The following SLC5A4 variants were observed in gnomAD, a reference collection of about 807,000 sequenced individuals.
SLC5A4 encodes the protein solute carrier family 5 member 4, also known as probable glucose sensor protein SLC5A4.
In SLC5A4, 55 loss-of-function variants were observed where a neutral mutation model predicts 70.3. That is an observed-to-expected ratio of 0.78 (90% confidence interval 0.63 to 0.98). The LOEUF is 0.98. SLC5A4 is among the 50% of genes least tolerant of loss of function. The probability of loss-of-function intolerance (pLI) is 0.00; values close to 1 mark genes in which losing one functional copy is unlikely to be tolerated. For synonymous variants in SLC5A4, 268 were observed against 305.7 expected, an observed-to-expected ratio of 0.88 and a Z score of 1.29; for missense variants, 735 against 839.2, an observed-to-expected ratio of 0.88 and a Z score of 1.53.
chr22:32,239,747 G>A (rs542851236), intron 5 of SLC5A4, among the ~76,000 whole-genome samples: 9 of 147,156 alleles, frequency 6.1e-5, no homozygotes, highest in Middle Eastern at 3.5e-3. Context: ...CCAAACGGCC[G>A]GGTGCGGTGG....
the SLC5A4 span, among the ~76,000 whole-genome samples, chr22:32,280,259 A>AC: frequency 0.049 from 7,360 of 151,086 alleles, 597 homozygotes; most frequent in African/African-American, 0.17. Flanking sequence ...CAAGTGATCC[A>AC]CCCCCCCTCA....
chr22:32,344,057 G>A, the SLC5A4 span, among the ~76,000 whole-genome samples: 31,941 of 151,996 alleles, frequency 0.21, 3,790 homozygotes, highest in East Asian at 0.48. Flanking sequence ...ATCTGTAAGC[G>A]CTATGGCAGT....
At chr22:32,269,584 A>G in the SLC5A4 span, 1 of 626,314 alleles carries the variant, frequency 1.6e-6, no homozygotes, top group Non-Finnish European at 3.1e-6. The surrounding 1 kb of genome is among the most constrained non-coding windows in gnomAD (Gnocchi z 4.1). Context: ...CTGATCTCTC[A>G]CCAGCTACCC....
rs1926974994 is a variant in SLC5A4 at position 32,248,741 on chromosome 22, AC to A, written c.372+1del. On this transcript the variant is annotated splice_donor_variant, in intron 4 of 14. Transcript: ENST00000266086. LOFTEE classifies it high-confidence loss of function. ...TCTGGCATTTTGGTAACAGATACTC[AC>A]CCCCGACTTGATGTAGATAGGGACA... 1 of 1,607,560 alleles carries A rather than the reference AC, an allele frequency of 6.2e-7. No homozygotes were observed. Among genetic ancestry groups the A allele is most frequent in the African/African-American group, 1.3e-5 (1 of 74,820 alleles).
At chr22:32,348,999 CAG>C in the SLC5A4 span, among the ~76,000 whole-genome samples, 2 of 152,108 alleles carry the variant, frequency 1.3e-5, no homozygotes, top group African/African-American at 4.8e-5. Context: ...TTTTTTAAGA[CAG>C]AGTCTTGCTC....
chr22:32,313,041 T>C, the SLC5A4 span, among the ~76,000 whole-genome samples: 4 of 152,034 alleles, frequency 2.6e-5, no homozygotes, highest in African/African-American at 7.3e-5. Flanking sequence ...CTCTGGCTCA[T>C]GCAATAAGGC....
rs761611584 is a variant in SLC5A4, at chr22:32,230,932, G to A, written c.1129+36C>T. The A allele has an allele frequency of 9.7e-6, 13 of 1,343,322 alleles. No homozygotes were observed. In the African/African-American group the frequency reaches 1.7e-4, roughly 18 times the overall value. The allele number at this position is 1,343,322 out of a possible 1,614,324, so 83.2% of individuals were successfully genotyped here. The stretch of plus-strand genomic sequence containing the variant: ...CTTCCTCGAGGCCCGTCTTAGACAG[G>A]CCTCTGGGGCTGTCCCAGCAGGGAC... On this transcript the variant is annotated intron_variant, in intron 10 of 14. Coordinates refer to ENST00000266086, the MANE Select transcript of SLC5A4 (RefSeq NM_014227.3).
chr22:32,331,471 A>G, the SLC5A4 span, among the ~76,000 whole-genome samples: 2 of 152,120 alleles, frequency 1.3e-5, no homozygotes, highest in African/African-American at 4.8e-5. Flanking sequence ...GCTTGAGGAC[A>G]ATGAGAATTA....
chr22:32,259,397 A>G (rs184725945), upstream of SLC5A4, among the ~76,000 whole-genome samples: 57 of 152,294 alleles, frequency 3.7e-4, no homozygotes, highest in African/African-American at 1.3e-3. Flanking sequence ...GATTTTTCTT[A>G]TATTCCATGT....
At chr22:32,343,387 T>C in the SLC5A4 span, among the ~76,000 whole-genome samples, 1 of 152,176 alleles carries the variant, frequency 6.6e-6, no homozygotes, top group South Asian at 2.1e-4. Context: ...CCCTTGTTCC[T>C]ATCTGGATGG....
Position 32,239,042 on chromosome 22 carries a change from C to T in SLC5A4, c.526G>A (p.Asp176Asn). The T allele has an allele frequency of 6.2e-7, 1 of 1,614,064 alleles. No individual in the cohort carries two copies. The highest frequency in any genetic ancestry group is 8.5e-7 in the Non-Finnish European group (1 of 1,179,974). Residue 176 changes from aspartate to asparagine, a missense_variant, in exon 6 of 15, where the codon GAC becomes AAC. Asp to Asn is a conservative substitution (Grantham distance 23). Coordinates refer to ENST00000266086, the MANE Select transcript of SLC5A4 (RefSeq NM_014227.3). ...AGGATGAAGATTGCCAGGTAAAGGT[C>T]CAATCCCAAGGCCAGCTTGATGAAT... is the stretch of plus-strand genomic sequence containing the variant. The part of the protein sequence containing the change: ...AIFIKLALGL[D>N]LYLAIFILLA...
chr22:32,239,570 TTATA>T (rs1315288432), intron 5 of SLC5A4, among the ~76,000 whole-genome samples: 1 of 10,422 alleles, frequency 9.6e-5, no homozygotes, highest in Admixed American at 1.0e-3. Context: ...ATATATATAT[TTATA>T]TATATATTTA....
the SLC5A4 span, among the ~76,000 whole-genome samples, chr22:32,347,854 A>G: frequency 6.6e-6 from 1 of 152,010 alleles, no homozygotes; most frequent in Non-Finnish European, 1.5e-5. Flanking sequence ...TTAAAGTATA[A>G]TAATAATAAA....
chr22:32,218,875 A>G, intron 14 of SLC5A4, 150 bp from the exon 15 acceptor site: 1 of 616,768 alleles, frequency 1.6e-6, no homozygotes, highest in Non-Finnish European at 2.7e-6. Flanking sequence ...GATAAATTTA[A>G]TCATATAAAA....
the SLC5A4 span, among the ~76,000 whole-genome samples, chr22:32,262,238 G>T: frequency 6.6e-6 from 1 of 152,134 alleles, no homozygotes; most frequent in Non-Finnish European, 1.5e-5. Flanking sequence ...GTTTTTTGAG[G>T]AGTCTTCACA....
chr22:32,323,122 G>T, the SLC5A4 span, among the ~76,000 whole-genome samples: 1 of 152,192 alleles, frequency 6.6e-6, no homozygotes, highest in Non-Finnish European at 1.5e-5. Flanking sequence ...GCACCCTCCG[G>T]GATTCTCCCC....
At chr22:32,353,900 C>T in the SLC5A4 span, among the ~76,000 whole-genome samples, 1 of 151,528 alleles carries the variant, frequency 6.6e-6, no homozygotes, top group African/African-American at 2.4e-5. Context: ...GGAAGTGCAA[C>T]CCCGGATAGT....
chr22:32,334,956 T>C, the SLC5A4 span, among the ~76,000 whole-genome samples: 209 of 152,148 alleles, frequency 1.4e-3, 1 homozygote, highest in African/African-American at 4.8e-3. Context: ...GCAGTGAAGG[T>C]CCAGAAGGGA....
chr22:32,334,126 TA>T, the SLC5A4 span, among the ~76,000 whole-genome samples: 4 of 133,244 alleles, frequency 3.0e-5, no homozygotes, highest in Admixed American at 3.0e-4. Context: ...AATATACATA[TA>T]CACACCATGC....
Sources: allele counts gnomAD v4.1 joint callset (sites outside exome capture counted in the v4.1 genomes callset), GRCh38; gene constraint gnomAD v4.1.1; non-coding constraint Gnocchi (gnomAD v3.1); transcripts MANE v1.5; gene names NCBI Gene and HGNC (gene_info 2026-07-23, HGNC 2026-07-21).